The following KCNK2 variants were observed in gnomAD, a reference collection of about 807,000 sequenced individuals.
The protein encoded by KCNK2 is potassium two pore domain channel subfamily K member 2.
KCNK2 carries 21 observed loss-of-function variants against 40.5 expected under a neutral mutation model. The ratio of observed to expected loss-of-function variants is 0.52; its 90% CI spans 0.37 to 0.75. The LOEUF (loss-of-function observed/expected upper bound fraction) is 0.75, where lower values mean the gene tolerates loss of function less well. KCNK2 is among the 30% of genes least tolerant of loss of function. The probability of loss-of-function intolerance (pLI) is 0.00; values close to 1 mark genes in which losing one functional copy is unlikely to be tolerated. For synonymous variants in KCNK2, 191 were observed against 202.2 expected, an observed-to-expected ratio of 0.94 and a Z score of 0.47; for missense variants, 399 against 531.6, an observed-to-expected ratio of 0.75 and a Z score of 2.45.
intron 1 of KCNK2, among the ~76,000 whole-genome samples, chr1:215,061,754 T>G (rs1658368952): frequency 6.6e-6 from 1 of 152,142 alleles, no homozygotes; most frequent in African/African-American, 2.4e-5. Flanking sequence ...AGTACATTTT[T>G]TTTTAAAAAA....
At chr1:215,020,892 C>T (rs1656764576) in intron 1 of KCNK2, among the ~76,000 whole-genome samples, 1 of 152,188 alleles carries the variant, frequency 6.6e-6, no homozygotes, top group African/African-American at 2.4e-5. Flanking sequence ...AAATGTCATA[C>T]ATAGGATATC....
chr1:215,185,772 C>T (rs968002745), intron 5 of KCNK2, among the ~76,000 whole-genome samples: 1 of 152,162 alleles, frequency 6.6e-6, no homozygotes, highest in Non-Finnish European at 1.5e-5. Context: ...GAAACAAAGA[C>T]GTCCCTTCCA....
intron 3 of KCNK2, among the ~76,000 whole-genome samples, chr1:215,134,019 C>T (rs571750097): frequency 1.3e-5 from 2 of 152,124 alleles, no homozygotes; most frequent in East Asian, 1.9e-4. Context: ...CCCCTCTAGG[C>T]GTAAATATCC....
intron 1 of KCNK2, 92 bp downstream of exon 1, chr1:215,083,523 C>A: frequency 1.1e-6 from 1 of 932,246 alleles, no homozygotes; most frequent in Non-Finnish European, 1.8e-6. Flanking sequence ...CCCCTCTCAG[C>A]AAGCGGCCGT....
chr1:215,089,471 G>A (rs1243149160), intron 2 of KCNK2, among the ~76,000 whole-genome samples: 1 of 152,140 alleles, frequency 6.6e-6, no homozygotes, highest in African/African-American at 2.4e-5. Flanking sequence ...GTCTAATCTG[G>A]TCTCAGGCAT....
intron 1 of KCNK2, among the ~76,000 whole-genome samples, chr1:215,013,975 G>A (rs940570893): frequency 1.2e-4 from 18 of 152,058 alleles, no homozygotes; most frequent in East Asian, 5.8e-4. Flanking sequence ...GGGAGCAAAC[G>A]TCTTTGTGTT....
chr1:215,066,949 A>G (rs959825787), intron 1 of KCNK2, among the ~76,000 whole-genome samples: 17 of 152,318 alleles, frequency 1.1e-4, no homozygotes, highest in African/African-American at 4.1e-4. Flanking sequence ...ATTTTAAAAC[A>G]CTTTATATTT....
At chr1:215,056,582 T>C (rs1195553580) in intron 1 of KCNK2, among the ~76,000 whole-genome samples, 1 of 148,046 alleles carries the variant, frequency 6.8e-6, no homozygotes, top group Non-Finnish European at 1.5e-5. Context: ...AATGTTTTAA[T>C]GTATAAAAGA....
At chr1:215,055,167 C>T (rs1265021572) in intron 1 of KCNK2, among the ~76,000 whole-genome samples, 1 of 152,116 alleles carries the variant, frequency 6.6e-6, no homozygotes, top group Non-Finnish European at 1.5e-5. Flanking sequence ...TTAAAATATA[C>T]CACCAGTATA....
chr1:215,109,345 C>T (rs1448545783), intron 2 of KCNK2, among the ~76,000 whole-genome samples: 1 of 151,666 alleles, frequency 6.6e-6, no homozygotes. Context: ...CTCTTAATTC[C>T]CCACCCCTCT....
chr1:215,007,095 ATATG>A lies in KCNK2; in HGVS notation c.34+1144_34+1147del, dbSNP rs1558054033. Among the ~76,000 whole-genome samples, 12 of 131,972 alleles carry A rather than the reference ATATG, an allele frequency of 9.1e-5. 1 individual carries two copies. The highest frequency in any genetic ancestry group is 1.4e-4 in the Non-Finnish European group (9 of 62,516). The allele number at this position is 131,972 out of a possible 152,430, so 86.6% of individuals were successfully genotyped here. A position where few individuals can be genotyped will look rare whatever the true frequency, so the allele number is the denominator to read the frequency against. ...TGTATATATATATGTGTGTATATAT[ATATG>A]TATATATATGTGTGTATATATGTAT... On this transcript the variant is annotated intron_variant, in intron 1 of 6. Transcript: ENST00000391895.
chr1:215,180,490 A>G (rs936663900), intron 5 of KCNK2, among the ~76,000 whole-genome samples: 5 of 152,134 alleles, frequency 3.3e-5, no homozygotes, highest in Admixed American at 2.0e-4. Flanking sequence ...TTGTGGTAGC[A>G]GGTATCATTT....
rs568364419 is a variant in KCNK2, at chr1:215,154,214, C to G, written c.476-14985C>G. 2.0e-5 allele frequency among the ~76,000 whole-genome samples: 3 copies of G among 152,240 alleles called. No individual in the cohort carries two copies. The South Asian group carries it at 6.2e-4, about 32-fold the overall frequency. On this transcript the variant is annotated intron_variant, in intron 3 of 6. Coordinates refer to ENST00000444842, the MANE Select transcript of KCNK2 (RefSeq NM_001017425.3). ...TGAACTAATTTACCGTCTCACCAACCTGTAAAAGTGTCCCTATTTCTCCTT... is the reference window on the plus strand; with the variant it reads ...TGAACTAATTTACCGTCTCACCAACGTGTAAAAGTGTCCCTATTTCTCCTT...
intron 6 of KCNK2, among the ~76,000 whole-genome samples, chr1:215,217,919 G>T (rs1016701120): frequency 6.6e-6 from 1 of 152,132 alleles, no homozygotes; most frequent in Non-Finnish European, 1.5e-5. Flanking sequence ...AGATGAATAG[G>T]ACACAATCTA....
At chr1:215,048,899 A>G (rs1190954152) in intron 1 of KCNK2, among the ~76,000 whole-genome samples, 1 of 152,160 alleles carries the variant, frequency 6.6e-6, no homozygotes, top group African/African-American at 2.4e-5. Context: ...CTGTTTAACC[A>G]TTCATCCATC....
chr1:215,082,464 A>T (rs1368148924), upstream of KCNK2, among the ~76,000 whole-genome samples: 1 of 152,064 alleles, frequency 6.6e-6, no homozygotes, highest in Admixed American at 6.5e-5. Context: ...AGGAGATAGG[A>T]TGCAGCGCAG....
Position 215,119,108 on chromosome 1 carries a change from C to T in KCNK2, c.358-5525C>T, listed in dbSNP as rs959374087. Among the ~76,000 whole-genome samples the T allele has an allele frequency of 2.6e-5, 4 of 152,084 alleles. No individual in the cohort carries two copies. In the East Asian group the frequency reaches 7.7e-4, roughly 29 times the overall value. Reference sequence around the variant, plus strand: ...GCCTTTTCCAAAATTGCTAAATTCCCTATATCTTCTTCTTTAATGAAAACA... The same window carrying T: ...GCCTTTTCCAAAATTGCTAAATTCCTTATATCTTCTTCTTTAATGAAAACA... On this transcript the variant is annotated intron_variant, in intron 2 of 6. Transcript: ENST00000444842.
At chr1:215,149,938 G>T (rs1662610889) in intron 3 of KCNK2, among the ~76,000 whole-genome samples, 3 of 152,322 alleles carry the variant, frequency 2.0e-5, no homozygotes, top group East Asian at 3.9e-4. Flanking sequence ...ACTGTAGGAA[G>T]ATAACTTTAG....
chr1:215,036,182 C>G (rs1413999775), intron 1 of KCNK2, among the ~76,000 whole-genome samples: 1 of 149,620 alleles, frequency 6.7e-6, no homozygotes. Flanking sequence ...ACTTTGAGGT[C>G]TGTAATTCCC....
Sources: gnomAD v4.1 joint callset for allele counts (sites outside exome capture counted in the v4.1 genomes callset) on GRCh38, gnomAD v4.1.1 for gene constraint, MANE v1.5 for transcripts, NCBI Gene and HGNC (gene_info 2026-07-23, HGNC 2026-07-21) for gene names.